Variants in ITGA8 observed in about 807,000 individuals in gnomAD.
The protein encoded by ITGA8 is integrin alpha-8.
In ITGA8, 91 loss-of-function variants were observed where a neutral mutation model predicts 142.3. The ratio of observed to expected loss-of-function variants is 0.64; its 90% CI spans 0.54 to 0.76. The LOEUF (loss-of-function observed/expected upper bound fraction) is 0.76. Among genes scored for constraint, ITGA8 ranks in the 30% least tolerant of loss-of-function variants. ITGA8 has a pLI of 0.00. For missense variants in ITGA8, 1,406 were observed against 1,327.7 expected (o/e 1.06, Z -0.92); for synonymous variants, 505 against 485.2 (o/e 1.04, Z -0.54).
intron 8 of ITGA8, among the ~76,000 whole-genome samples, chr10:15,670,244 C>T (rs1331067772): frequency 6.6e-6 from 1 of 152,160 alleles, no homozygotes; most frequent in Admixed American, 6.5e-5. Flanking sequence ...ATGATTGACT[C>T]ATTCAATAAA....
intron 6 of ITGA8, 62 bp from the exon 7 acceptor site, chr10:15,672,811 A>C (rs1276116620): frequency 4.1e-6 from 6 of 1,468,730 alleles, no homozygotes; most frequent in South Asian, 1.4e-5. Context: ...CTCCATGAGC[A>C]GACCCACATT....
chr10:15,642,953 T>A (rs140146695), intron 13 of ITGA8, among the ~76,000 whole-genome samples: 1 of 152,186 alleles, frequency 6.6e-6, no homozygotes, highest in Admixed American at 6.5e-5. Context: ...TTTTTATAAG[T>A]AGTTGAAACT....
chr10:15,630,638 C>G (rs1292276445), intron 13 of ITGA8, among the ~76,000 whole-genome samples: 3 of 151,902 alleles, frequency 2.0e-5, no homozygotes, highest in Non-Finnish European at 4.4e-5. Flanking sequence ...GGCCAGGGCA[C>G]AGAGAGACTC....
At chr10:15,662,103 A>G (rs890871323) in intron 8 of ITGA8, among the ~76,000 whole-genome samples, 3 of 152,098 alleles carry the variant, frequency 2.0e-5, no homozygotes, top group African/African-American at 2.4e-5. Flanking sequence ...CCACCCAGTA[A>G]CTGTGAAGTC....
Position 15,616,535 on chromosome 10 carries a change from G to T in ITGA8, c.1424C>A (p.Thr475Lys), listed in dbSNP as rs763417793. The part of the protein sequence containing the change: ...YPDLIVGAFG[T>K]GKVAVYRARP... ...ATACCTGTAAACAGCGACTTTTCCT[G>T]TTCCAAATGCACCCACAATCAAATC... The change falls in exon 14 of 30, where the codon ACA (threonine) becomes AAA (lysine). Residue 475 changes from threonine (T) to lysine (K), a missense_variant. By Grantham distance (78) the Thr-to-Lys change is moderately conservative. Coordinates refer to ENST00000378076, the MANE Select transcript of ITGA8 (RefSeq NM_003638.3). 1.2e-6 allele frequency: 2 copies of T among 1,611,960 alleles called. No homozygotes were observed. Among genetic ancestry groups the T allele is most frequent in the South Asian group, 2.2e-5 (2 of 91,056 alleles).
Position 15,719,879 on chromosome 10 carries a change from G to T in ITGA8, c.-108C>A. Reference sequence around the variant, plus strand: ...GCGGTCCCCAGCTGCCCGTGTCCCGGGTCGGTGCGCTCGGCGCACCCGTGG... The same window carrying T: ...GCGGTCCCCAGCTGCCCGTGTCCCGTGTCGGTGCGCTCGGCGCACCCGTGG... On this transcript the variant is annotated 5_prime_UTR_variant, in exon 1 of 30. Transcript: ENST00000378076. 1.2e-6 allele frequency: 1 copy of T among 865,852 alleles called. No homozygotes were observed. The highest frequency in any genetic ancestry group is 1.6e-6 in the Non-Finnish European group (1 of 644,626). The allele number at this position is 865,852 out of a possible 1,614,324, so 53.6% of individuals were successfully genotyped here.
intron 3 of ITGA8, among the ~76,000 whole-genome samples, chr10:15,686,130 A>C (rs1834829391): frequency 6.6e-6 from 1 of 152,212 alleles, no homozygotes; most frequent in Non-Finnish European, 1.5e-5. Context: ...GAGAAGTGAA[A>C]AAAGATTCCA....
rs972584379 is a variant in ITGA8 at position 15,613,811 on chromosome 10, G to T, written c.1446-44C>A. On this transcript the variant is annotated intron_variant, in intron 14 of 29. Transcript: ENST00000378076. The stretch of plus-strand genomic sequence containing the variant: ...GGGTTTGTTTAAATAAAACACAAGG[G>T]TGATAGGCAGGCAGAAGCCCACTTC... 5 of 1,380,044 alleles carry T rather than the reference G, an allele frequency of 3.6e-6. 1 individual carries two copies. Among genetic ancestry groups the T allele is most frequent in the African/African-American group, 2.8e-5 (2 of 70,356 alleles). 85.5% of individuals were successfully genotyped at this position (1,380,044 alleles called of 1,614,324 possible). A position where few individuals can be genotyped will look rare whatever the true frequency, so the allele number is the denominator to read the frequency against.
At chr10:15,655,696 G>A (rs1468774408) in intron 10 of ITGA8, among the ~76,000 whole-genome samples, 1 of 152,114 alleles carries the variant, frequency 6.6e-6, no homozygotes, top group African/African-American at 2.4e-5. Flanking sequence ...TGCTAAATCT[G>A]GCTCTTCCAT....
intron 2 of ITGA8, among the ~76,000 whole-genome samples, chr10:15,694,378 GATA>G (rs1476602622): frequency 8.4e-6 from 1 of 119,636 alleles, no homozygotes; most frequent in African/African-American, 3.2e-5. Context: ...TATCATATAT[GATA>G]ATATATCACA....
At chr10:15,651,701 T>C (rs1339547111) in intron 11 of ITGA8, among the ~76,000 whole-genome samples, 2 of 152,086 alleles carry the variant, frequency 1.3e-5, no homozygotes, top group African/African-American at 4.8e-5. Flanking sequence ...TTCAAGCCCA[T>C]AAATGTGTGC....
chr10:15,653,422 C>G (rs1390065671), intron 11 of ITGA8, among the ~76,000 whole-genome samples: 1 of 152,130 alleles, frequency 6.6e-6, no homozygotes, highest in Non-Finnish European at 1.5e-5. Context: ...TCCCATTACC[C>G]TCTCCCTAAC....
intron 28 of ITGA8, among the ~76,000 whole-genome samples, chr10:15,523,959 A>G (rs1833118485): frequency 6.6e-6 from 1 of 151,968 alleles, no homozygotes; most frequent in Admixed American, 6.6e-5. Flanking sequence ...AAAACAAAAA[A>G]CACTTCATAC....
intron 2 of ITGA8, among the ~76,000 whole-genome samples, chr10:15,697,511 G>C (rs971324108): frequency 6.6e-6 from 1 of 152,106 alleles, no homozygotes; most frequent in African/African-American, 2.4e-5. Flanking sequence ...GAATAATACA[G>C]GGCTGTGGTC....
Position 15,572,210 on chromosome 10 carries a change from C to T in ITGA8, c.2637+1G>A. 1 of 1,610,376 alleles carries T rather than the reference C, an allele frequency of 6.2e-7. No individual in the cohort carries two copies. Among genetic ancestry groups the T allele is most frequent in the Non-Finnish European group, 8.5e-7 (1 of 1,177,822 alleles). ...AGCCACTGATTAGACCAGACTCCTACCTTTATATCCTGTGGATTGATATTA... is the reference window on the plus strand; with the variant it reads ...AGCCACTGATTAGACCAGACTCCTATCTTTATATCCTGTGGATTGATATTA... On this transcript the variant is annotated splice_donor_variant, in intron 25 of 29. Transcript: ENST00000378076. LOFTEE classifies it high-confidence loss of function.
intron 26 of ITGA8, 144 bp downstream of exon 26, chr10:15,557,930 T>C: frequency 9.6e-7 from 1 of 1,045,290 alleles, no homozygotes; most frequent in Non-Finnish European, 1.4e-6. Context: ...CTTTTCATTC[T>C]CGAGATAAAC....
At chr10:15,654,295 T>C (rs914761620) in intron 11 of ITGA8, among the ~76,000 whole-genome samples, 4 of 152,232 alleles carry the variant, frequency 2.6e-5, no homozygotes, top group Admixed American at 2.6e-4. Flanking sequence ...CCATCTAACA[T>C]ACTCTTTACT....
At chr10:15,587,428 G>A (rs1588660544) in intron 22 of ITGA8, among the ~76,000 whole-genome samples, 1 of 152,090 alleles carries the variant, frequency 6.6e-6, no homozygotes, top group Non-Finnish European at 1.5e-5. Context: ...ATACATAATC[G>A]AAACAGCATT....
chr10:15,680,338 C>T (rs1323871897), intron 4 of ITGA8, among the ~76,000 whole-genome samples: 4 of 148,398 alleles, frequency 2.7e-5, no homozygotes, highest in Admixed American at 1.4e-4. Flanking sequence ...CGCCATTCTC[C>T]TGCCTCAGCC....
Sources: allele counts gnomAD v4.1 joint callset (sites outside exome capture counted in the v4.1 genomes callset), GRCh38; gene constraint gnomAD v4.1.1; transcripts MANE v1.5; gene names NCBI Gene and HGNC (gene_info 2026-07-23, HGNC 2026-07-21).